Variants in CAMKMT observed in about 807,000 individuals in gnomAD.
CAMKMT encodes the protein CaM KMT.
CAMKMT carries 53 observed loss-of-function variants against 48.0 expected under a neutral mutation model. The ratio of observed to expected loss-of-function variants is 1.10; its 90% CI spans 0.89 to 1.39. The LOEUF (loss-of-function observed/expected upper bound fraction) is 1.39. Ranked by LOEUF, CAMKMT falls within the 40% of genes most tolerant of loss-of-function variation. The pLI is 0.00. For synonymous variants in CAMKMT, 165 were observed against 152.3 expected (o/e 1.08, Z -0.61); for missense variants, 428 against 402.7 (o/e 1.06, Z -0.54).
At chr2:44,382,476 T>C (rs1680345510) in intron 2 of CAMKMT, among the ~76,000 whole-genome samples, 2 of 151,642 alleles carry the variant, frequency 1.3e-5, no homozygotes, top group Admixed American at 6.6e-5. Flanking sequence ...TTTTTCTTTT[T>C]CTTTTTCTTT....
chr2:44,529,022 A>T (rs562077486), intron 3 of CAMKMT, among the ~76,000 whole-genome samples: 1 of 152,058 alleles, frequency 6.6e-6, no homozygotes, highest in Non-Finnish European at 1.5e-5. Flanking sequence ...ATCTTTCTTC[A>T]TTTATTAGTT....
intron 3 of CAMKMT, among the ~76,000 whole-genome samples, chr2:44,703,652 C>T (rs1194985195): frequency 6.6e-6 from 1 of 151,652 alleles, no homozygotes; most frequent in Non-Finnish European, 1.5e-5. Context: ...GTGGTGTGCA[C>T]CTGTAATCTC....
intron 6 of CAMKMT, among the ~76,000 whole-genome samples, chr2:44,714,920 G>A (rs1199664421): frequency 2.0e-5 from 3 of 152,144 alleles, no homozygotes; most frequent in Non-Finnish European, 2.9e-5. Flanking sequence ...TTGGCCAGGC[G>A]CAGTGGCTCA....
chr2:44,676,841 A>T (rs1675721628), intron 3 of CAMKMT: 1 of 152,222 alleles, frequency 6.6e-6, no homozygotes. Flanking sequence ...CATTTAGTAG[A>T]TGCTAAGTAA....
At chr2:44,527,231 G>T (rs72881113) in intron 3 of CAMKMT, among the ~76,000 whole-genome samples, 2,981 of 145,384 alleles carry the variant, frequency 0.021, 85 homozygotes, top group African/African-American at 0.065. Flanking sequence ...TAGTAGCTGG[G>T]ACTACAGGTG....
intron 10 of CAMKMT, among the ~76,000 whole-genome samples, chr2:44,767,438 C>G (rs955038115): frequency 1.3e-5 from 2 of 152,040 alleles, no homozygotes; most frequent in Non-Finnish European, 2.9e-5. Context: ...TTACCCAGGA[C>G]TGTAATATAA....
At chr2:44,665,166 G>C (rs1286025592) in intron 3 of CAMKMT, among the ~76,000 whole-genome samples, 1 of 152,146 alleles carries the variant, frequency 6.6e-6, no homozygotes, top group Non-Finnish European at 1.5e-5. Flanking sequence ...TGCCTCCCGG[G>C]TTCAAGCAAT....
At chr2:44,396,138 G>A (rs1400274079) in intron 3 of CAMKMT, among the ~76,000 whole-genome samples, 4 of 152,102 alleles carry the variant, frequency 2.6e-5, no homozygotes, top group Non-Finnish European at 5.9e-5. Flanking sequence ...TATGGGTTAA[G>A]TATTTAATTA....
chr2:44,397,697 G>T (rs1159309936), intron 3 of CAMKMT, among the ~76,000 whole-genome samples: 1 of 151,826 alleles, frequency 6.6e-6, no homozygotes, highest in Non-Finnish European at 1.5e-5. Flanking sequence ...GAAGGAAAAA[G>T]ACACATTTGT....
chr2:44,411,262 G>A (rs938536799), intron 3 of CAMKMT, among the ~76,000 whole-genome samples: 5 of 152,140 alleles, frequency 3.3e-5, no homozygotes, highest in South Asian at 2.1e-4. Context: ...GCATTCATTC[G>A]TTTACTCATT....
intron 2 of CAMKMT, among the ~76,000 whole-genome samples, 169 bp downstream of exon 2, chr2:44,373,057 T>C (rs1679338874): frequency 1.3e-5 from 2 of 152,362 alleles, no homozygotes; most frequent in South Asian, 4.1e-4. Context: ...AACTGGGTCT[T>C]GCTGTATTAT....
chr2:44,724,283 T>G (rs1678654909), intron 7 of CAMKMT, among the ~76,000 whole-genome samples: 2 of 152,184 alleles, frequency 1.3e-5, no homozygotes, highest in Admixed American at 6.6e-5. Flanking sequence ...TCCCCTCTCT[T>G]AAAAATTTTT....
intron 8 of CAMKMT, among the ~76,000 whole-genome samples, chr2:44,749,146 A>G (rs548569863): frequency 3.5e-4 from 53 of 152,282 alleles, no homozygotes; most frequent in South Asian, 4.1e-4. Context: ...TTCTTTTCCC[A>G]TTGCTCAAAG....
intron 3 of CAMKMT, among the ~76,000 whole-genome samples, chr2:44,429,259 A>ATGTGTG: frequency 7.6e-6 from 1 of 131,996 alleles, no homozygotes; most frequent in African/African-American, 2.8e-5. Flanking sequence ...TTTTATATAT[A>ATGTGTG]TGTGTGTGTG....
chr2:44,637,598 C>A (rs1271789134), intron 3 of CAMKMT, among the ~76,000 whole-genome samples: 1 of 149,748 alleles, frequency 6.7e-6, no homozygotes, highest in Non-Finnish European at 1.5e-5. Flanking sequence ...TTTTTTTTTT[C>A]TGGGCTACCC....
At position 44,556,726 on chromosome 2, in the gene CAMKMT, C is replaced by G. The variant is rs528727922; in HGVS notation, c.377-147557C>G. 1.2e-4 allele frequency among the ~76,000 whole-genome samples: 9 copies of G among 73,008 alleles called. 4 individuals are homozygous for G. The highest frequency in any genetic ancestry group is 2.7e-4 in the Non-Finnish European group (9 of 33,030). The allele number at this position is 73,008 out of a possible 152,430, so 47.9% of individuals were successfully genotyped here. A position where few individuals can be genotyped will look rare whatever the true frequency, so the allele number is the denominator to read the frequency against. Reference sequence around the variant, plus strand: ...CCTCATGATCCACCCGCCTCGGCCTCCCAAAGTGCTGGGATTACAGGCGTG... The same window carrying G: ...CCTCATGATCCACCCGCCTCGGCCTGCCAAAGTGCTGGGATTACAGGCGTG... On this transcript the variant is annotated intron_variant, in intron 3 of 10. Transcript: ENST00000378494.
chr2:44,687,566 T>G (rs1676406406), intron 3 of CAMKMT, among the ~76,000 whole-genome samples: 1 of 152,234 alleles, frequency 6.6e-6, no homozygotes, highest in South Asian at 2.1e-4. Flanking sequence ...TTTTTATCAT[T>G]GCTATCATTC....
At chr2:44,673,477 G>GA (rs1263080302) in intron 3 of CAMKMT, among the ~76,000 whole-genome samples, 10 of 113,740 alleles carry the variant, frequency 8.8e-5, no homozygotes, top group African/African-American at 3.5e-4. Context: ...GAGAGAGGAA[G>GA]GAAGGAAGGA....
At chr2:44,514,675 T>C (rs1026830537) in intron 3 of CAMKMT, among the ~76,000 whole-genome samples, 3 of 152,224 alleles carry the variant, frequency 2.0e-5, no homozygotes, top group Non-Finnish European at 4.4e-5. Context: ...CTGCTCTGTT[T>C]CCAGCTCCTA....
Sources: gnomAD v4.1 joint callset for allele counts (sites outside exome capture counted in the v4.1 genomes callset) on GRCh38, gnomAD v4.1.1 for gene constraint, MANE v1.5 for transcripts, NCBI Gene and HGNC (gene_info 2026-07-23, HGNC 2026-07-21) for gene names.